ST6GALNAC3: variants seen among roughly 807,000 people sequenced by gnomAD.
ST6GALNAC3 encodes the protein ST6 N-acetylgalactosaminide alpha-2,6-sialyltransferase 3, also known as alpha-N-acetylgalactosaminide alpha-2,6-sialyltransferase 3.
In ST6GALNAC3, 25 loss-of-function variants were observed where a neutral mutation model predicts 32.7. That is an observed-to-expected ratio of 0.76 (90% CI 0.56 to 1.07). ST6GALNAC3 has a LOEUF of 1.07. Ranked by LOEUF, ST6GALNAC3 falls within the 50% of genes least tolerant of loss-of-function variation. The pLI, the probability that ST6GALNAC3 is intolerant of heterozygous loss-of-function variation, is 0.00. For missense variants in ST6GALNAC3, 355 were observed against 382.4 expected (o/e 0.93, Z 0.60); for synonymous variants, 129 against 133.1 (o/e 0.97, Z 0.21).
At chr1:76,552,604 C>T (rs1442499851) in intron 3 of ST6GALNAC3, among the ~76,000 whole-genome samples, 1 of 152,134 alleles carries the variant, frequency 6.6e-6, no homozygotes, top group Non-Finnish European at 1.5e-5. Flanking sequence ...TGTATCTGGC[C>T]ACCTTGCTGA....
At chr1:76,495,368 G>T (rs1409676631) in intron 3 of ST6GALNAC3, among the ~76,000 whole-genome samples, 1 of 152,068 alleles carries the variant, frequency 6.6e-6, no homozygotes, top group African/African-American at 2.4e-5. Context: ...AGGATTTCTT[G>T]TTCTGTTGGG....
chr1:76,358,678 G>A (rs1649688449), intron 2 of ST6GALNAC3, among the ~76,000 whole-genome samples: 1 of 151,972 alleles, frequency 6.6e-6, no homozygotes, highest in Non-Finnish European at 1.5e-5. Flanking sequence ...AGATTTTATT[G>A]CCTTATTTCC....
chr1:76,374,456 C>G (rs1651064084), intron 2 of ST6GALNAC3, among the ~76,000 whole-genome samples: 1 of 152,088 alleles, frequency 6.6e-6, no homozygotes, highest in Non-Finnish European at 1.5e-5. Flanking sequence ...GAGGAAAAAC[C>G]AAAGAAAAGC....
chr1:76,536,864 T>C (rs1663642370), intron 3 of ST6GALNAC3, among the ~76,000 whole-genome samples: 2 of 152,098 alleles, frequency 1.3e-5, no homozygotes, highest in African/African-American at 2.4e-5. Context: ...ACAAAGAGAC[T>C]TAGACTCCCA....
At chr1:76,182,805 T>A (rs969533115) in intron 1 of ST6GALNAC3, among the ~76,000 whole-genome samples, 1 of 152,048 alleles carries the variant, frequency 6.6e-6, no homozygotes, top group Non-Finnish European at 1.5e-5. Context: ...GTAACATAGA[T>A]TTTCATTTTA....
chr1:76,238,515 A>G (rs774043589), intron 1 of ST6GALNAC3, among the ~76,000 whole-genome samples: 7 of 152,154 alleles, frequency 4.6e-5, no homozygotes, highest in Non-Finnish European at 8.8e-5. Flanking sequence ...GGCACTGGAC[A>G]TTCCGAGACA....
chr1:76,518,819 C>T (rs2101781824), intron 3 of ST6GALNAC3, among the ~76,000 whole-genome samples: 1 of 152,294 alleles, frequency 6.6e-6, no homozygotes, highest in Middle Eastern at 3.4e-3. Flanking sequence ...AATCCCAGCA[C>T]TTTGGGAGGC....
chr1:76,201,742 G>A (rs1353232800), intron 1 of ST6GALNAC3, among the ~76,000 whole-genome samples: 1 of 152,170 alleles, frequency 6.6e-6, no homozygotes, highest in Non-Finnish European at 1.5e-5. Flanking sequence ...AAAAGCCGGG[G>A]AGTGGAAATC....
intron 1 of ST6GALNAC3, among the ~76,000 whole-genome samples, chr1:76,230,268 A>G (rs569109220): frequency 6.6e-6 from 1 of 152,332 alleles, no homozygotes; most frequent in South Asian, 2.1e-4. Flanking sequence ...AGTTTGAAGC[A>G]TATCACACCT....
Position 76,246,879 on chromosome 1 carries a change from G to A in ST6GALNAC3, c.19-66926G>A, listed in dbSNP as rs576186933. 1.3e-3 allele frequency among the ~76,000 whole-genome samples: 192 copies of A among 152,206 alleles called. 1 individual carries two copies. Among genetic ancestry groups the A allele is most frequent in the African/African-American group, 4.6e-3 (191 of 41,550 alleles). On this transcript the variant is annotated intron_variant, in intron 1 of 4. Transcript: ENST00000328299. ...AGTTGTGAATATTTAGAGGAGAAGT[G>A]GAATTGTGGTTTTTGGAATTTTCAG...
intron 3 of ST6GALNAC3, among the ~76,000 whole-genome samples, chr1:76,468,273 A>G (rs968972952): frequency 6.6e-6 from 1 of 151,998 alleles, no homozygotes. Flanking sequence ...TTAGATACTG[A>G]TTAGCAAATA....
At chr1:76,417,765 T>A (rs1393049817) in intron 3 of ST6GALNAC3, among the ~76,000 whole-genome samples, 2 of 148,054 alleles carry the variant, frequency 1.4e-5, no homozygotes, top group African/African-American at 5.3e-5. Flanking sequence ...TTCTGGGCTG[T>A]TAAAGGACTC....
At chr1:76,326,826 G>GTTTT (rs11331532) in intron 2 of ST6GALNAC3, among the ~76,000 whole-genome samples, 2 of 113,404 alleles carry the variant, frequency 1.8e-5, no homozygotes, top group South Asian at 3.0e-4. Flanking sequence ...GAAGTTTTGG[G>GTTTT]TTTTTTTTTT....
intron 1 of ST6GALNAC3, among the ~76,000 whole-genome samples, chr1:76,124,460 G>A (rs564061964): frequency 6.6e-6 from 1 of 152,272 alleles, no homozygotes; most frequent in African/African-American, 2.4e-5. Context: ...ACCTGACCTT[G>A]CGCAATGTAG....
At chr1:76,478,665 A>G (rs1659507486) in intron 3 of ST6GALNAC3, among the ~76,000 whole-genome samples, 1 of 146,950 alleles carries the variant, frequency 6.8e-6, no homozygotes, top group African/African-American at 2.5e-5. Context: ...TAGTACTACT[A>G]TTTTTTCCAG....
intron 2 of ST6GALNAC3, among the ~76,000 whole-genome samples, chr1:76,377,842 A>T (rs1651360266): frequency 6.6e-6 from 1 of 152,226 alleles, no homozygotes; most frequent in South Asian, 2.1e-4. Context: ...CACATAGACA[A>T]ACTCAAGTAA....
intron 3 of ST6GALNAC3, among the ~76,000 whole-genome samples, chr1:76,416,034 A>AACACACACACACACACACAC (rs60710007): frequency 4.8e-5 from 7 of 144,334 alleles, no homozygotes; most frequent in African/African-American, 1.3e-4. Context: ...TTTATTCCAC[A>AACACACACACACACACACAC]ACACACACAC....
At chr1:76,155,390 C>A (rs1651335747) in intron 1 of ST6GALNAC3, among the ~76,000 whole-genome samples, 1 of 152,176 alleles carries the variant, frequency 6.6e-6, no homozygotes, top group Non-Finnish European at 1.5e-5. Context: ...TTGTTTTAAT[C>A]AACTTTGTTT....
chr1:76,370,674 C>T (rs1650746243), intron 2 of ST6GALNAC3, among the ~76,000 whole-genome samples: 1 of 151,980 alleles, frequency 6.6e-6, no homozygotes, highest in African/African-American at 2.4e-5. Flanking sequence ...ACTTTTTGGG[C>T]CCTAGAAACT....
Sources: gnomAD v4.1 joint callset for allele counts (sites outside exome capture counted in the v4.1 genomes callset) on GRCh38, gnomAD v4.1.1 for gene constraint, MANE v1.5 for transcripts, NCBI Gene and HGNC (gene_info 2026-07-23, HGNC 2026-07-21) for gene names.